PDE4B: variants seen among roughly 807,000 people sequenced by gnomAD.
PDE4B encodes the protein 3',5'-cyclic-AMP phosphodiesterase 4B.
Under a neutral mutation model 82.2 loss-of-function variants are expected in PDE4B, and 20 were observed. The ratio of observed to expected loss-of-function variants is 0.24; its 90% CI spans 0.17 to 0.35. The LOEUF (loss-of-function observed/expected upper bound fraction) is 0.35, where lower values mean the gene tolerates loss of function less well. PDE4B is among the 10% of genes least tolerant of loss of function. The probability of loss-of-function intolerance (pLI) is 1.00; values close to 1 mark genes in which losing one functional copy is unlikely to be tolerated. For synonymous variants in PDE4B, 320 were observed against 318.9 expected (o/e 1.00, Z -0.04); for missense variants, 655 against 907.2 (o/e 0.72, Z 3.57).
At chr1:66,247,375 C>A (rs1025833079) in intron 3 of PDE4B, 85 bp from the exon 4 acceptor site, 5 of 835,476 alleles carry the variant, frequency 6.0e-6, no homozygotes, top group Non-Finnish European at 1.9e-6. Flanking sequence ...GTGTATAGTA[C>A]CTGCCACACG....
At chr1:66,245,346 C>T (rs1319573232) in intron 3 of PDE4B, among the ~76,000 whole-genome samples, 2 of 152,200 alleles carry the variant, frequency 1.3e-5, no homozygotes, top group Non-Finnish European at 2.9e-5. Flanking sequence ...AATTTCTAAA[C>T]TCATGCCCAC....
At chr1:65,881,394 T>C (rs934305737) in intron 1 of PDE4B, among the ~76,000 whole-genome samples, 1 of 152,138 alleles carries the variant, frequency 6.6e-6, no homozygotes, top group Admixed American at 6.6e-5. Context: ...TTGTGACTGT[T>C]GTTGAGACTG....
At chr1:66,105,080 G>A (rs1366431295) in intron 3 of PDE4B, among the ~76,000 whole-genome samples, 4 of 152,074 alleles carry the variant, frequency 2.6e-5, no homozygotes, top group East Asian at 1.9e-4. Context: ...TAGGTCTAAC[G>A]TTTATGTCTT....
At chr1:65,867,718 T>G (rs1446405952) in intron 1 of PDE4B, among the ~76,000 whole-genome samples, 1 of 152,216 alleles carries the variant, frequency 6.6e-6, no homozygotes, top group East Asian at 1.9e-4. Context: ...TCCCTCTACT[T>G]AGGAACTATT....
intron 3 of PDE4B, among the ~76,000 whole-genome samples, chr1:65,970,404 T>A (rs1035610152): frequency 1.3e-5 from 2 of 152,084 alleles, no homozygotes; most frequent in African/African-American, 4.8e-5. Context: ...ATTTGGAAGA[T>A]AAATGGCAGG....
At chr1:66,296,286 G>A (rs1311980036) in intron 7 of PDE4B, among the ~76,000 whole-genome samples, 1 of 152,164 alleles carries the variant, frequency 6.6e-6, no homozygotes, top group Non-Finnish European at 1.5e-5. Context: ...GGATGAATGA[G>A]ACCTACATAC....
intron 7 of PDE4B, among the ~76,000 whole-genome samples, chr1:66,266,414 A>G (rs746155008): frequency 9.2e-5 from 14 of 152,184 alleles, no homozygotes; most frequent in East Asian, 3.9e-4. Flanking sequence ...GCTGGCCCCA[A>G]TAAACTCCAG....
At chr1:66,089,748 C>A (rs1256981475) in intron 3 of PDE4B, among the ~76,000 whole-genome samples, 2 of 152,050 alleles carry the variant, frequency 1.3e-5, no homozygotes, top group Non-Finnish European at 2.9e-5. Flanking sequence ...TTGTCTCAAA[C>A]AGCTGATTGT....
chr1:66,168,539 T>C (rs1450022992), intron 3 of PDE4B, among the ~76,000 whole-genome samples: 1 of 152,140 alleles, frequency 6.6e-6, no homozygotes, highest in African/African-American at 2.4e-5. Context: ...TGGCATGGTG[T>C]AGTAACCACA....
intron 7 of PDE4B, chr1:66,331,974 A>G (rs1660147381): frequency 5.1e-5 from 52 of 1,015,818 alleles, no homozygotes; most frequent in Non-Finnish European, 6.1e-5. Flanking sequence ...CTCAGGATGA[A>G]TGACTGCCTA....
At chr1:65,871,095 C>T (rs186169333) in intron 1 of PDE4B, among the ~76,000 whole-genome samples, 2 of 152,162 alleles carry the variant, frequency 1.3e-5, no homozygotes, top group African/African-American at 2.4e-5. Context: ...TTAACAGAAC[C>T]GGAATTCAAG....
chr1:66,303,353 GTATATA>G (rs55857576), intron 7 of PDE4B, among the ~76,000 whole-genome samples: 1 of 148,336 alleles, frequency 6.7e-6, no homozygotes, highest in African/African-American at 2.5e-5. Flanking sequence ...GTGTGTGTGT[GTATATA>G]TATATATATA....
At chr1:66,142,025 T>C (rs979909091) in intron 3 of PDE4B, among the ~76,000 whole-genome samples, 1 of 152,184 alleles carries the variant, frequency 6.6e-6, no homozygotes, top group East Asian at 1.9e-4. Context: ...TATTTGTATA[T>C]GTATTATAGA....
chr1:66,276,514 AC>A (rs1354561659), intron 7 of PDE4B, among the ~76,000 whole-genome samples: 2 of 152,242 alleles, frequency 1.3e-5, no homozygotes, highest in Admixed American at 1.3e-4. Context: ...TGGACTACCA[AC>A]AACCTTAATA....
intron 7 of PDE4B, among the ~76,000 whole-genome samples, chr1:66,275,697 C>T (rs781189718): frequency 3.9e-5 from 6 of 152,054 alleles, no homozygotes; most frequent in South Asian, 2.1e-4. Context: ...TGATCAACCC[C>T]GAGCCAGCAC....
intron 16 of PDE4B, 30 bp downstream of exon 16, chr1:66,368,999 G>T: frequency 6.5e-7 from 1 of 1,546,500 alleles, no homozygotes; most frequent in Non-Finnish European, 8.8e-7. Context: ...CAAAGTTTTT[G>T]TGAGCTCTGC....
intron 7 of PDE4B, among the ~76,000 whole-genome samples, chr1:66,328,972 G>T (rs1009090492): frequency 1.3e-5 from 2 of 152,194 alleles, no homozygotes; most frequent in Non-Finnish European, 2.9e-5. Flanking sequence ...GATCCAAGGG[G>T]TTGTCTGCTG....
chr1:65,801,150 A>G (rs1443070795), intron 1 of PDE4B, among the ~76,000 whole-genome samples: 1 of 152,148 alleles, frequency 6.6e-6, no homozygotes, highest in Non-Finnish European at 1.5e-5. Context: ...CTTACTCCAT[A>G]GAGCATGGAT....
Position 66,371,854 on chromosome 1 carries a change from C to T in PDE4B, c.1846-459C>T, listed in dbSNP as rs142168877. Among the ~76,000 whole-genome samples the T allele has an allele frequency of 7.1e-4, 108 of 152,320 alleles. 1 individual carries two copies. The highest frequency in any genetic ancestry group is 1.4e-3 in the Non-Finnish European group (94 of 68,034). The stretch of plus-strand genomic sequence containing the variant: ...TGGGCCTGCCTTCTTCAGAAAATGA[C>T]TCACAGAATCCAAGTAGTGGCAAAG... On this transcript the variant is annotated intron_variant, in intron 16 of 16. Transcript: ENST00000341517.
Sources: allele counts gnomAD v4.1 joint callset (sites outside exome capture counted in the v4.1 genomes callset), GRCh38; gene constraint gnomAD v4.1.1; transcripts MANE v1.5; gene names NCBI Gene and HGNC (gene_info 2026-07-23, HGNC 2026-07-21).